The following NBAS variants were observed in gnomAD, a reference collection of about 807,000 sequenced individuals.
NBAS encodes the protein NAG/BC035112 fusion.
A neutral mutation model predicts 302.5 loss-of-function variants in NBAS; 219 were observed. That is an observed-to-expected ratio of 0.72 (90% CI 0.65 to 0.81). The LOEUF is 0.81. Ranked by LOEUF, NBAS falls within the 30% of genes least tolerant of loss-of-function variation. The probability of loss-of-function intolerance (pLI) is 0.00; values close to 1 mark genes in which losing one functional copy is unlikely to be tolerated. For synonymous variants in NBAS, 1,118 were observed against 1,021.6 expected, an observed-to-expected ratio of 1.09 and a Z score of -1.80; for missense variants, 2,932 against 2,841.6, an observed-to-expected ratio of 1.03 and a Z score of -0.72.
At chr2:14,786,368 TG>T in the NBAS span, among the ~76,000 whole-genome samples, 2 of 152,162 alleles carry the variant, frequency 1.3e-5, no homozygotes, top group Admixed American at 1.3e-4. Context: ...TGCTAGCTTT[TG>T]AATGTGTTTG....
intron 44 of NBAS, among the ~76,000 whole-genome samples, chr2:15,253,605 C>CT (rs1558477478): frequency 6.6e-6 from 1 of 152,182 alleles, no homozygotes; most frequent in Non-Finnish European, 1.5e-5. Context: ...TCCACCTTCT[C>CT]TAAGTATTCT....
chr2:15,093,443 G>T, the NBAS span, among the ~76,000 whole-genome samples: 3 of 152,082 alleles, frequency 2.0e-5, no homozygotes, highest in Admixed American at 2.0e-4. Context: ...GGGCACTATT[G>T]TATTGCTGCC....
At chr2:15,119,742 C>G in the NBAS span, among the ~76,000 whole-genome samples, 1 of 152,186 alleles carries the variant, frequency 6.6e-6, no homozygotes, top group African/African-American at 2.4e-5. Flanking sequence ...GTCCCATGTA[C>G]TCAGGGCCCT....
chr2:14,915,273 A>G, the NBAS span, among the ~76,000 whole-genome samples: 1 of 152,248 alleles, frequency 6.6e-6, no homozygotes, highest in Non-Finnish European at 1.5e-5. Context: ...AACCAAAATT[A>G]GGAGCTCAGT....
intron 48 of NBAS, among the ~76,000 whole-genome samples, chr2:15,200,100 T>C (rs1665808848): frequency 2.6e-5 from 4 of 151,972 alleles, no homozygotes; most frequent in African/African-American, 7.3e-5. Context: ...GGTCTCCCCA[T>C]GTTGCTCAGG....
chr2:15,219,777 C>T (rs1666847046), intron 47 of NBAS, among the ~76,000 whole-genome samples: 2 of 139,138 alleles, frequency 1.4e-5, no homozygotes, highest in Non-Finnish European at 3.1e-5. Flanking sequence ...CCCCACCCTT[C>T]CCGCCTTTCT....
At chr2:15,390,048 C>T (rs1675509561) in intron 28 of NBAS, among the ~76,000 whole-genome samples, 1 of 152,112 alleles carries the variant, frequency 6.6e-6, no homozygotes, top group Non-Finnish European at 1.5e-5. Flanking sequence ...CCAAGATCTA[C>T]GAAGGGTCCC....
chr2:14,949,826 T>C, the NBAS span, among the ~76,000 whole-genome samples: 3 of 152,174 alleles, frequency 2.0e-5, no homozygotes, highest in Admixed American at 6.5e-5. Context: ...CTCACTCATA[T>C]GTAAAGCTTA....
intron 6 of NBAS, among the ~76,000 whole-genome samples, chr2:15,541,029 G>A (rs1349326467): frequency 2.0e-5 from 3 of 151,976 alleles, no homozygotes; most frequent in African/African-American, 4.8e-5. Flanking sequence ...CCGCCCATAC[G>A]TGCCTTTTAT....
the NBAS span, among the ~76,000 whole-genome samples, chr2:14,792,837 T>G: frequency 6.6e-6 from 1 of 152,152 alleles, no homozygotes; most frequent in Non-Finnish European, 1.5e-5. Context: ...CATCATCAGA[T>G]GTTAGAATTA....
chr2:15,062,754 G>A, the NBAS span, among the ~76,000 whole-genome samples: 2 of 152,168 alleles, frequency 1.3e-5, no homozygotes, highest in African/African-American at 2.4e-5. Flanking sequence ...CATGTAGACT[G>A]AACATTGCAA....
Position 15,466,646 on chromosome 2 carries a change from A to T in NBAS, c.2097+683T>A, listed in dbSNP as rs948878952. 5.4e-4 allele frequency among the ~76,000 whole-genome samples: 82 copies of T among 152,274 alleles called. No individual in the cohort carries two copies. In the Middle Eastern group the frequency reaches 0.017, roughly 32 times the overall value. On this transcript the variant is annotated intron_variant, in intron 19 of 51. Transcript: ENST00000281513. ...AACTAAATTCAACCCACTAACAAAT[A>T]ATTAAAATACGCCAGGCATAGTGGC... is the stretch of plus-strand genomic sequence containing the variant.
intron 12 of NBAS, among the ~76,000 whole-genome samples, chr2:15,481,630 T>C (rs1680431234): frequency 6.6e-6 from 1 of 150,730 alleles, no homozygotes; most frequent in Non-Finnish European, 1.5e-5. Context: ...TGTGAATACA[T>C]TTCAAGAAGC....
At chr2:15,253,089 C>T (rs1668435409) in intron 44 of NBAS, among the ~76,000 whole-genome samples, 2 of 152,020 alleles carry the variant, frequency 1.3e-5, no homozygotes, top group South Asian at 4.1e-4. Context: ...TAAATAAAGG[C>T]TTTTATAGAA....
At chr2:15,299,050 T>G (rs559024298) in intron 40 of NBAS, among the ~76,000 whole-genome samples, 1 of 152,232 alleles carries the variant, frequency 6.6e-6, no homozygotes, top group East Asian at 1.9e-4. Flanking sequence ...CTTCCCTCCC[T>G]CTTTCCAGCA....
At chr2:15,246,885 C>T (rs1001955669) in intron 44 of NBAS, among the ~76,000 whole-genome samples, 4 of 152,180 alleles carry the variant, frequency 2.6e-5, no homozygotes, top group African/African-American at 9.7e-5. Flanking sequence ...AGATAAAAGA[C>T]ATTACAAAGA....
At chr2:15,021,452 G>T in the NBAS span, among the ~76,000 whole-genome samples, 1 of 152,152 alleles carries the variant, frequency 6.6e-6, no homozygotes, top group African/African-American at 2.4e-5. Context: ...GTTGTTGATG[G>T]AATTAATTAA....
chr2:15,015,885 T>C, the NBAS span, among the ~76,000 whole-genome samples: 1 of 151,582 alleles, frequency 6.6e-6, no homozygotes, highest in Non-Finnish European at 1.5e-5. Context: ...ACCTAAAGAC[T>C]CTACCAAAAA....
the NBAS span, among the ~76,000 whole-genome samples, chr2:15,075,784 T>C: frequency 1.3e-3 from 169 of 132,526 alleles, no homozygotes; most frequent in Admixed American, 2.4e-3. Flanking sequence ...CACACACACA[T>C]ATACACACAG....
Sources: allele counts gnomAD v4.1 joint callset (sites outside exome capture counted in the v4.1 genomes callset), GRCh38; gene constraint gnomAD v4.1.1; transcripts MANE v1.5; gene names NCBI Gene and HGNC (gene_info 2026-07-23, HGNC 2026-07-21).